The following PLD1 variants were observed in gnomAD, a reference collection of about 807,000 sequenced individuals.
PLD1 encodes the protein phospholipase D1.
A neutral mutation model predicts 137.1 loss-of-function variants in PLD1; 112 were observed. That is an observed-to-expected ratio of 0.82 (90% confidence interval 0.70 to 0.96). The LOEUF is 0.96. Ranked by LOEUF, PLD1 falls within the 40% of genes least tolerant of loss-of-function variation. The pLI is 0.00. For synonymous variants in PLD1, 431 were observed against 454.7 expected (o/e 0.95, Z 0.66); for missense variants, 1,321 against 1,342.0 (o/e 0.98, Z 0.24).
chr3:171,729,958 T>C (rs537304813), intron 6 of PLD1, among the ~76,000 whole-genome samples: 39 of 152,314 alleles, frequency 2.6e-4, no homozygotes, highest in African/African-American at 8.7e-4. Flanking sequence ...CTGAGTCACA[T>C]AAGTTAAATG....
chr3:171,602,065 G>C lies in PLD1; in HGVS notation c.*1013C>G, dbSNP rs910923795. 6.6e-6 allele frequency: 1 copy of C among 152,170 alleles called. No homozygotes were observed. Among genetic ancestry groups the C allele is most frequent in the Non-Finnish European group, 1.5e-5 (1 of 68,038 alleles). The allele number at this position is 152,170 out of a possible 1,614,324, so 9.4% of individuals were successfully genotyped here. ...AGGTTAGACTCATACTTACTAACTT[G>C]GTAGGAGTTACGATGCCTCTGATTC... On this transcript the variant is annotated 3_prime_UTR_variant, in exon 27 of 27. Coordinates refer to ENST00000351298, the MANE Select transcript of PLD1 (RefSeq NM_002662.5).
At chr3:171,639,592 T>A (rs1361103837) in intron 23 of PLD1, among the ~76,000 whole-genome samples, 1 of 95,464 alleles carries the variant, frequency 1.0e-5, no homozygotes, top group Non-Finnish European at 1.8e-5. Flanking sequence ...TCATATAATA[T>A]ATATTCATAT....
At chr3:171,773,036 C>A (rs988228272) in intron 1 of PLD1, among the ~76,000 whole-genome samples, 1 of 152,218 alleles carries the variant, frequency 6.6e-6, no homozygotes, top group Non-Finnish European at 1.5e-5. Flanking sequence ...CCCAACTCAG[C>A]TAGATAAACT....
intron 1 of PLD1, among the ~76,000 whole-genome samples, chr3:171,779,685 G>A (rs1369371939): frequency 1.3e-5 from 2 of 151,942 alleles, no homozygotes; most frequent in African/African-American, 2.4e-5. Flanking sequence ...CAGGCCTGGG[G>A]TTTGGATACA....
intron 1 of PLD1, among the ~76,000 whole-genome samples, chr3:171,783,561 G>T (rs554206094): frequency 2.0e-5 from 3 of 152,112 alleles, no homozygotes; most frequent in African/African-American, 7.2e-5. Context: ...GGTAGAGCTG[G>T]GATTTAAATC....
rs1351173143 is a variant in PLD1 at position 171,601,906 on chromosome 3, A to C, written c.*1172T>G. ...TCCAGACTAATTCACAGACTAGGGC[A>C]TTGTAACTTCACTGGAAGCCCTGGT... On this transcript the variant is annotated 3_prime_UTR_variant, in exon 27 of 27. Transcript: ENST00000351298. 2.0e-5 allele frequency: 3 copies of C among 152,214 alleles called. No individual in the cohort carries two copies. Among genetic ancestry groups the C allele is most frequent in the Non-Finnish European group, 4.4e-5 (3 of 68,034 alleles). The allele number at this position is 152,214 out of a possible 1,614,324, so 9.4% of individuals were successfully genotyped here.
intron 1 of PLD1, among the ~76,000 whole-genome samples, chr3:171,764,866 A>AGGAAGGAAGGAAGGAAGGAAGG (rs796566714): frequency 4.3e-5 from 1 of 23,028 alleles, no homozygotes; most frequent in African/African-American, 1.8e-4. Flanking sequence ...AAAGAAAGAA[A>AGGAAGGAAGGAAGGAAGGAAGG]GAAAGAAAGA....
At chr3:171,641,099 T>C (rs1393813153) in intron 23 of PLD1, among the ~76,000 whole-genome samples, 1 of 152,188 alleles carries the variant, frequency 6.6e-6, no homozygotes, top group African/African-American at 2.4e-5. Flanking sequence ...TTAACCCTGA[T>C]CTGCTCCCTC....
intron 1 of PLD1, among the ~76,000 whole-genome samples, chr3:171,745,729 C>T (rs372760210): frequency 3.3e-5 from 5 of 152,324 alleles, no homozygotes; most frequent in Non-Finnish European, 5.9e-5. Flanking sequence ...GAGGTGACAA[C>T]GTGCTAGCAG....
chr3:171,738,017 G>A lies in PLD1; in HGVS notation c.35C>T (p.Ser12Phe). The A allele has an allele frequency of 6.2e-7, 1 of 1,613,922 alleles. No homozygotes were observed. The change falls in exon 2 of 27, where the codon TCT (serine) becomes TTT (phenylalanine). Residue 12 changes from serine to phenylalanine, a missense_variant. By Grantham distance (155) the Ser-to-Phe change is radical (BLOSUM62 -2). Coordinates refer to ENST00000351298, the MANE Select transcript of PLD1 (RefSeq NM_002662.5). ...SLKNEPRVNT[S>F]ALQKIAADMS... is the part of the protein sequence containing the mutation. ...GTCAGCAGCAATTTTCTGCAGTGCAGAGGTATTTACCCGTGGCTCGTTTTT... is the reference window on the plus strand; with the variant it reads ...GTCAGCAGCAATTTTCTGCAGTGCAAAGGTATTTACCCGTGGCTCGTTTTT...
chr3:171,715,925 C>T (rs4894740), intron 8 of PLD1, among the ~76,000 whole-genome samples: 1 of 136,594 alleles, frequency 7.3e-6, no homozygotes, highest in South Asian at 2.8e-4. Flanking sequence ...CCTCCCACCC[C>T]CCACCCTCAA....
At chr3:171,725,865 G>A (rs1270966196) in intron 7 of PLD1, 153 bp downstream of exon 7, 1 of 622,852 alleles carries the variant, frequency 1.6e-6, no homozygotes, top group African/African-American at 1.8e-5. Flanking sequence ...GCTCTGATTT[G>A]TATGAATAAT....
At chr3:171,720,315 G>T (rs1232953623) in intron 8 of PLD1, among the ~76,000 whole-genome samples, 5 of 99,810 alleles carry the variant, frequency 5.0e-5, no homozygotes, top group Admixed American at 2.9e-4. Context: ...AAAAAAAAAG[G>T]CCGGGCGCGG....
At chr3:171,657,612 G>A (rs181467498) in intron 21 of PLD1, among the ~76,000 whole-genome samples, 17 of 152,118 alleles carry the variant, frequency 1.1e-4, no homozygotes, top group African/African-American at 3.9e-4. Flanking sequence ...AAAAAGTTGG[G>A]CCCCTAACTC....
At chr3:171,738,431 A>G (rs1719543601) in intron 1 of PLD1, among the ~76,000 whole-genome samples, 1 of 152,214 alleles carries the variant, frequency 6.6e-6, no homozygotes, top group African/African-American at 2.4e-5. Flanking sequence ...AAAGAAATAG[A>G]TTATTTGCTG....
At chr3:171,635,961 A>ACTT (rs1553804731) in intron 23 of PLD1, among the ~76,000 whole-genome samples, 3 of 66,180 alleles carry the variant, frequency 4.5e-5, no homozygotes, top group East Asian at 3.3e-4. Flanking sequence ...TAGGGGTTCA[A>ACTT]CTTCTTTTTT....
Position 171,724,615 on chromosome 3 carries a change from A to C in PLD1, c.758+81T>G, listed in dbSNP as rs1413936477. ...CTGCCATTGCTTTTAAAGGATTTAT[A>C]ATTTAAAACTGGTATGTAAAACTAG... On this transcript the variant is annotated intron_variant, in intron 8 of 26. Transcript: ENST00000351298. 8.9e-6 allele frequency: 7 copies of C among 788,502 alleles called. No homozygotes were observed. In the Admixed American group the frequency reaches 1.4e-4, roughly 16 times the overall value. The allele number at this position is 788,502 out of a possible 1,614,324, so 48.8% of individuals were successfully genotyped here. A position where few individuals can be genotyped will look rare whatever the true frequency, so the allele number is the denominator to read the frequency against.
Position 171,612,784 on chromosome 3 carries a change from G to A in PLD1, c.2729-352C>T, listed in dbSNP as rs982007834. On this transcript the variant is annotated intron_variant, in intron 24 of 26. Coordinates refer to ENST00000351298, the MANE Select transcript of PLD1 (RefSeq NM_002662.5). The surrounding 1 kb of genome is among the most constrained non-coding windows in gnomAD (Gnocchi z 4.1). ...TTCCATCCTTTGGATATCTTGGCTTGAAGGGTTGGAAGAAGACATGATTCC... is the reference window on the plus strand; with the variant it reads ...TTCCATCCTTTGGATATCTTGGCTTAAAGGGTTGGAAGAAGACATGATTCC... Among the ~76,000 whole-genome samples the A allele has an allele frequency of 1.3e-5, 2 of 152,160 alleles. No individual in the cohort carries two copies. The highest frequency in any genetic ancestry group is 2.9e-5 in the Non-Finnish European group (2 of 68,032).
chr3:171,797,840 T>C (rs1723491577), intron 1 of PLD1, among the ~76,000 whole-genome samples: 1 of 152,188 alleles, frequency 6.6e-6, no homozygotes, highest in Non-Finnish European at 1.5e-5. Flanking sequence ...TCTTTGAGGG[T>C]TAATTTTTTT....
Sources: allele counts gnomAD v4.1 joint callset (sites outside exome capture counted in the v4.1 genomes callset), GRCh38; gene constraint gnomAD v4.1.1; non-coding constraint Gnocchi (gnomAD v3.1); transcripts MANE v1.5; gene names NCBI Gene and HGNC (gene_info 2026-07-23, HGNC 2026-07-21).